The following WWOX variants were observed in gnomAD, a reference collection of about 807,000 sequenced individuals.
WWOX encodes the protein WW domain-containing oxidoreductase.
In WWOX, 69 loss-of-function variants were observed where a neutral mutation model predicts 46.2. That is an observed-to-expected ratio of 1.49 (90% confidence interval 1.23 to 1.82). The LOEUF (loss-of-function observed/expected upper bound fraction) is 1.82, where lower values mean the gene tolerates loss of function less well. WWOX is among the 40% of genes most tolerant of loss of function. WWOX has a pLI of 0.00. For synonymous variants in WWOX, 359 were observed against 202.6 expected (o/e 1.77, Z -6.56); for missense variants, 919 against 542.6 (o/e 1.69, Z -6.89).
chr16:79,051,361 A>G (rs2048163953), intron 8 of WWOX, among the ~76,000 whole-genome samples: 2 of 152,204 alleles, frequency 1.3e-5, no homozygotes. Flanking sequence ...AAAATCCAAA[A>G]CAGGTGCTGT....
chr16:78,758,365 G>A (rs992433150), intron 8 of WWOX, among the ~76,000 whole-genome samples: 1 of 152,176 alleles, frequency 6.6e-6, no homozygotes, highest in African/African-American at 2.4e-5. Context: ...TTTGCAAGTA[G>A]ATTAATTGGG....
chr16:78,775,706 G>C (rs1263461095), intron 8 of WWOX, among the ~76,000 whole-genome samples: 1 of 152,208 alleles, frequency 6.6e-6, no homozygotes, highest in African/African-American at 2.4e-5. Context: ...ATAGGGGACA[G>C]GTGTTCATTC....
At chr16:78,390,855 T>C (rs1040807312) in intron 6 of WWOX, among the ~76,000 whole-genome samples, 2 of 152,172 alleles carry the variant, frequency 1.3e-5, no homozygotes, top group Non-Finnish European at 1.5e-5. Flanking sequence ...CGCTGTTGCA[T>C]TGAGGAGAGG....
At chr16:78,614,395 G>A (rs2045972392) in intron 8 of WWOX, among the ~76,000 whole-genome samples, 1 of 152,228 alleles carries the variant, frequency 6.6e-6, no homozygotes, top group African/African-American at 2.4e-5. Context: ...CATTTATTCT[G>A]AGTCCACATT....
chr16:79,079,977 C>T (rs1331171398), intron 8 of WWOX, among the ~76,000 whole-genome samples: 2 of 152,058 alleles, frequency 1.3e-5, no homozygotes, highest in Non-Finnish European at 2.9e-5. Flanking sequence ...TTTATTTATT[C>T]TACGGGTATT....
chr16:78,878,644 T>C (rs2044280498), intron 8 of WWOX, among the ~76,000 whole-genome samples: 1 of 152,128 alleles, frequency 6.6e-6, no homozygotes, highest in African/African-American at 2.4e-5. Context: ...GTTTGGTGCA[T>C]GTGAGGGTTC....
intron 4 of WWOX, among the ~76,000 whole-genome samples, chr16:78,118,266 A>C (rs2032911500): frequency 6.6e-6 from 1 of 151,964 alleles, no homozygotes; most frequent in Non-Finnish European, 1.5e-5. Flanking sequence ...TTTGATACTG[A>C]TATTACTAAG....
intron 8 of WWOX, among the ~76,000 whole-genome samples, chr16:78,852,287 G>A (rs2052463011): frequency 1.3e-5 from 2 of 152,182 alleles, no homozygotes; most frequent in Admixed American, 1.3e-4. Flanking sequence ...ATTGTCCTGT[G>A]TAACCTACAG....
At chr16:78,524,939 C>T (rs1262187214) in intron 8 of WWOX, among the ~76,000 whole-genome samples, 1 of 143,462 alleles carries the variant, frequency 7.0e-6, no homozygotes, top group African/African-American at 2.6e-5. Flanking sequence ...GATCAAGGCT[C>T]ACTGCAGCTT....
intron 8 of WWOX, among the ~76,000 whole-genome samples, chr16:78,941,521 G>C (rs1203972796): frequency 2.0e-5 from 3 of 151,378 alleles, no homozygotes; most frequent in Admixed American, 6.6e-5. Context: ...GTTCATAGTA[G>C]TCCTGTATGA....
intron 5 of WWOX, among the ~76,000 whole-genome samples, chr16:78,294,599 G>A (rs949626852): frequency 3.9e-5 from 6 of 151,988 alleles, no homozygotes; most frequent in African/African-American, 1.2e-4. Flanking sequence ...GTGTATGTAT[G>A]TCCCCACTAG....
chr16:78,756,981 C>G, intron 8 of WWOX: 1 of 702,958 alleles, frequency 1.4e-6, no homozygotes, highest in Middle Eastern at 2.3e-4. Context: ...CAAGCATACC[C>G]GTGTAGAAGA....
In WWOX at chr16:78,724,401, T is replaced by G. The variant is rs2048774921; in HGVS notation, c.1056+291649T>G. On this transcript the variant is annotated intron_variant, in intron 8 of 8. Coordinates refer to ENST00000566780, the MANE Select transcript of WWOX (RefSeq NM_016373.4). The stretch of plus-strand genomic sequence containing the variant: ...ATTTTTTTTCCTTCATTCCTGCTTT[T>G]CCTTGTTCCAGAAGAAGTTAAGGTA... 2.0e-5 allele frequency among the ~76,000 whole-genome samples: 3 copies of G among 152,236 alleles called. No homozygotes were observed. In the South Asian group the frequency reaches 6.2e-4, roughly 31 times the overall value.
At chr16:78,936,274 C>T (rs976609591) in intron 8 of WWOX, among the ~76,000 whole-genome samples, 3 of 152,128 alleles carry the variant, frequency 2.0e-5, no homozygotes, top group Non-Finnish European at 2.9e-5. Flanking sequence ...GCCTTCAACC[C>T]TTGGACAGAG....
intron 8 of WWOX, among the ~76,000 whole-genome samples, chr16:78,569,625 C>G (rs2044663801): frequency 6.6e-6 from 1 of 152,222 alleles, no homozygotes; most frequent in Admixed American, 6.5e-5. Flanking sequence ...CTCAATACTA[C>G]ACTGATTAAT....
intron 8 of WWOX, among the ~76,000 whole-genome samples, chr16:79,022,413 C>G (rs1267097012): frequency 6.7e-6 from 1 of 148,764 alleles, no homozygotes; most frequent in Non-Finnish European, 1.5e-5. Flanking sequence ...ATTTCTTGGA[C>G]ATGCCCCAGT....
chr16:78,128,013 G>A (rs189410980), intron 4 of WWOX, among the ~76,000 whole-genome samples: 21 of 152,320 alleles, frequency 1.4e-4, no homozygotes, highest in Admixed American at 4.6e-4. Flanking sequence ...AAAACAATGT[G>A]TGAAATGCTG....
At chr16:78,624,971 C>T (rs543883321) in intron 8 of WWOX, among the ~76,000 whole-genome samples, 1 of 152,144 alleles carries the variant, frequency 6.6e-6, no homozygotes, top group African/African-American at 2.4e-5. Flanking sequence ...CCCTTCATAT[C>T]CTGGTTAATG....
intron 8 of WWOX, among the ~76,000 whole-genome samples, chr16:79,127,509 C>T (rs2049783571): frequency 6.6e-6 from 1 of 152,090 alleles, no homozygotes; most frequent in African/African-American, 2.4e-5. Flanking sequence ...GAACCAATTC[C>T]CTATTGATAG....
Sources: gnomAD v4.1 joint callset for allele counts (sites outside exome capture counted in the v4.1 genomes callset) on GRCh38, gnomAD v4.1.1 for gene constraint, MANE v1.5 for transcripts, NCBI Gene and HGNC (gene_info 2026-07-23, HGNC 2026-07-21) for gene names.